Variants in MGAM observed in about 807,000 individuals in gnomAD.
MGAM encodes the protein alpha-1,4-glucosidase.
MGAM carries 253 observed loss-of-function variants against 358.8 expected under a neutral mutation model. The observed-to-expected ratio is 0.71, with a 90% CI of 0.64 to 0.78. The LOEUF is 0.78. Ranked by LOEUF, MGAM falls within the 30% of genes least tolerant of loss-of-function variation. MGAM has a pLI of 0.00. For synonymous variants in MGAM, 1,105 were observed against 1,227.1 expected (o/e 0.90, Z 2.08); for missense variants, 3,080 against 3,432.6 (o/e 0.90, Z 2.57).
chr7:142,037,038 A>C, intron 18 of MGAM, 61 bp downstream of exon 18: 6 of 1,508,852 alleles, frequency 4.0e-6, no homozygotes, highest in South Asian at 1.2e-5. Flanking sequence ...TGACTATATC[A>C]TCAAATATCA....
intron 66 of MGAM, among the ~76,000 whole-genome samples, chr7:142,098,367 C>A (rs145406421): frequency 0.032 from 4,807 of 152,106 alleles, 127 homozygotes; most frequent in Non-Finnish European, 0.046. Flanking sequence ...GGGGAAGAAT[C>A]AAAGAAGGCA....
chr7:142,084,444 A>T (rs773572262), intron 53 of MGAM, 75 bp from the exon 54 acceptor site: 2 of 1,450,666 alleles, frequency 1.4e-6, no homozygotes, highest in Admixed American at 1.8e-5. Flanking sequence ...ACAGAAAAAT[A>T]TTCTTATTAC....
intron 57 of MGAM, among the ~76,000 whole-genome samples, chr7:142,089,372 A>G (rs1815147310): frequency 6.8e-6 from 1 of 146,488 alleles, no homozygotes; most frequent in Admixed American, 6.8e-5. Flanking sequence ...CTCACCTCAA[A>G]CGCCAGTTAT....
At chr7:142,029,466 C>CT (rs1199610287) in intron 10 of MGAM, among the ~76,000 whole-genome samples, 1 of 152,090 alleles carries the variant, frequency 6.6e-6, no homozygotes, top group African/African-American at 2.4e-5. Context: ...GAGGTCATCT[C>CT]TTTTTTTATG....
rs773554487 is a variant in MGAM at position 142,052,439 on chromosome 7, T to A, written c.2951T>A (p.Ile984Asn). The change falls in exon 25 of 71, where the codon ATC becomes AAC. Residue 984 changes from isoleucine to asparagine, a missense_variant. Ile to Asn is a moderately radical substitution (Grantham distance 149, BLOSUM62 -3). Coordinates refer to ENST00000475668, the MANE Select transcript of MGAM (RefSeq NM_001365693.1). ...GAAAACTGCACTGCCCGTGGCTGTA[T>A]CTGGGAGGTAACCATGCTGATGGGG... ...SAENCTARGC[I>N]WEASNSSGVP... 1.2e-5 allele frequency: 20 copies of A among 1,613,352 alleles called. No homozygotes were observed. In the South Asian group the frequency reaches 2.2e-4, roughly 18 times the overall value.
rs1350314920 is a variant in MGAM at position 142,036,936 on chromosome 7, T to G, written c.2190T>G (p.Ala730=). The change falls in exon 18 of 71, where the codon GCT becomes GCG. Residue 730 remains alanine, a synonymous_variant. Transcript: ENST00000475668. ...LPYLYTLFFR[A]HSRGDTVARP... Reference sequence around the variant, plus strand: ...ACCTATACACCCTCTTCTTCCGTGCTCACAGCCGAGGGGACACGGTGGCCA... The same window carrying G: ...ACCTATACACCCTCTTCTTCCGTGCGCACAGCCGAGGGGACACGGTGGCCA... 1.2e-6 allele frequency: 2 copies of G among 1,613,742 alleles called. No individual in the cohort carries two copies. Among genetic ancestry groups the G allele is most frequent in the Non-Finnish European group, 1.7e-6 (2 of 1,179,686 alleles).
At chr7:142,032,570 T>C (rs58019639) in intron 13 of MGAM, among the ~76,000 whole-genome samples, 3,164 of 152,208 alleles carry the variant, frequency 0.021, 122 homozygotes, top group African/African-American at 0.07. Context: ...AATTGAAACT[T>C]TTTTCACCTG....
At chr7:141,992,903 AG>A (rs1554447632), upstream of MGAM, among the ~76,000 whole-genome samples, 144 of 152,220 alleles carry the variant, frequency 9.5e-4, no homozygotes, top group African/African-American at 3.4e-3. Context: ...GCACTCGGCC[AG>A]CCTCCATGCA....
At position 142,050,277 on chromosome 7, in the gene MGAM, T is replaced by C. The variant is rs1383104101; in HGVS notation, c.2630T>C (p.Val877Ala). Residue 877 changes from valine (V) to alanine (A), a missense_variant, in exon 23 of 71, where the codon GTC becomes GCC. Transcript: ENST00000475668. ...NKVYLLCEFS[V>A]TQNRLEVNIS... The stretch of plus-strand genomic sequence containing the variant: ...GTGTATCTTTTATGTGAGTTTTCTG[T>C]CACTCAAGTGAGTAGCATATTTTTA... 1.2e-6 allele frequency: 2 copies of C among 1,613,526 alleles called. No homozygotes were observed. Among genetic ancestry groups the C allele is most frequent in the Non-Finnish European group, 1.7e-6 (2 of 1,179,622 alleles).
chr7:142,059,986 T>C lies in MGAM; in HGVS notation c.4059+20T>C, dbSNP rs763478781. On this transcript the variant is annotated intron_variant, in intron 33 of 70. Transcript: ENST00000475668. ...GGAAAGGTATAATCCTAAGCGATGA[T>C]CCACTAGTCCCCAGCCTGAGGGTGG... 98 of 1,578,828 alleles carry C rather than the reference T, an allele frequency of 6.2e-5. No individual in the cohort carries two copies. The highest frequency in any genetic ancestry group is 8.4e-5 in the Non-Finnish European group (97 of 1,161,308).
intron 45 of MGAM, among the ~76,000 whole-genome samples, chr7:142,075,368 G>A (rs12334002): frequency 0.45 from 64,728 of 144,570 alleles, 18,464 homozygotes; most frequent in Middle Eastern, 0.62. Context: ...CCTCCTTGAC[G>A]TAGTCTTGGC....
Position 142,021,045 on chromosome 7 carries a change from A to G in MGAM, c.520A>G (p.Thr174Ala). The G allele has an allele frequency of 1.2e-6, 2 of 1,613,054 alleles. No individual in the cohort carries two copies. The highest frequency in any genetic ancestry group is 2.2e-5 in the South Asian group (2 of 90,994). ...FGSNVDNVLL[T>A]AEYQTSNRFH... is the part of the protein sequence containing the mutation. ...AAGCAATGTTGACAATGTTCTTCTC[A>G]CAGCAGAATATCAGACATCTAATCG... The change falls in exon 5 of 71, where the codon ACA (threonine) becomes GCA (alanine). Residue 174 changes from threonine to alanine, a missense_variant. Physicochemically the swap from Thr to Ala is moderately conservative, Grantham distance 58. Coordinates refer to ENST00000475668, the MANE Select transcript of MGAM (RefSeq NM_001365693.1).
Position 142,040,800 on chromosome 7 carries a change from G to C in MGAM, c.2452G>C (p.Gly818Arg), listed in dbSNP as rs373524046. Residue 818 changes from glycine to arginine, a missense_variant, in exon 21 of 71, where the codon GGC becomes CGC. Coordinates refer to ENST00000475668, the MANE Select transcript of MGAM (RefSeq NM_001365693.1). ...GDKIGLHLRGGYIFPTQQPNT... is the reference protein window; with the variant it reads ...GDKIGLHLRGRYIFPTQQPNT... ...CAAAATTGGACTTCACCTTCGAGGA[G>C]GCTACATCTTCCCCACACAGCAGCC... 2.5e-6 allele frequency: 4 copies of C among 1,612,998 alleles called. No homozygotes were observed. In the African/African-American group the frequency reaches 4.0e-5, roughly 16 times the overall value.
At chr7:141,995,321 A>G (rs57417523), upstream of MGAM, among the ~76,000 whole-genome samples, 1 of 152,002 alleles carries the variant, frequency 6.6e-6, no homozygotes, top group African/African-American at 2.4e-5. Context: ...GTCTTGTTAG[A>G]TTTCTCTTAT....
intron 44 of MGAM, among the ~76,000 whole-genome samples, chr7:142,071,614 A>G (rs1813358368): frequency 6.8e-6 from 1 of 146,196 alleles, no homozygotes; most frequent in African/African-American, 2.4e-5. Context: ...AAACCAGGTC[A>G]GTTGATGCCT....
At chr7:142,088,996 G>GTATGTATC (rs771119657) in intron 57 of MGAM, among the ~76,000 whole-genome samples, 3,431 of 117,904 alleles carry the variant, frequency 0.029, 171 homozygotes, top group African/African-American at 0.055. Flanking sequence ...ATGTATGTAT[G>GTATGTATC]TATCTATCTA....
intron 1 of MGAM, among the ~76,000 whole-genome samples, chr7:142,001,651 A>T (rs1011286544): frequency 8.5e-5 from 13 of 152,284 alleles, no homozygotes; most frequent in African/African-American, 2.6e-4. Flanking sequence ...CAGGCAATGC[A>T]TGAGTCATCC....
rs772302459 is a variant in MGAM at position 142,065,438 on chromosome 7, G to A, written c.4588G>A (p.Ala1530Thr). The change falls in exon 38 of 71, where the codon GCA becomes ACA. Residue 1530 changes from alanine (A) to threonine (T), a missense_variant. Ala to Thr is a moderately conservative substitution (Grantham distance 58). Coordinates refer to ENST00000475668, the MANE Select transcript of MGAM (RefSeq NM_001365693.1). ...AGHWLGDNTA[A>T]WDQLKKSIIG... ...ACATTGGCTGGGAGACAACACGGCCGCATGGGATCAGCTGAAGAAGTCTAT... is the reference window on the plus strand; with the variant it reads ...ACATTGGCTGGGAGACAACACGGCCACATGGGATCAGCTGAAGAAGTCTAT... The A allele has an allele frequency of 1.9e-5, 30 of 1,609,440 alleles. No individual in the cohort carries two copies. In the Middle Eastern group the frequency reaches 5.0e-4, roughly 27 times the overall value.
In MGAM at chr7:142,084,371, A is replaced by G. The variant is rs1814581081; in HGVS notation, c.6382-148A>G. ...GCAGAAAGCTTTCTCCAAGTATCCT[A>G]GTGGCTCTATATCCTGTCAGTTTTG... On this transcript the variant is annotated intron_variant, in intron 53 of 70. Transcript: ENST00000475668. 12 of 950,572 alleles carry G rather than the reference A, an allele frequency of 1.3e-5. 1 individual carries two copies. In the East Asian group the frequency reaches 2.9e-4, roughly 23 times the overall value. The allele number at this position is 950,572 out of a possible 1,614,324, so 58.9% of individuals were successfully genotyped here. A position where few individuals can be genotyped will look rare whatever the true frequency, so the allele number is the denominator to read the frequency against.
Sources: gnomAD v4.1 joint callset for allele counts (sites outside exome capture counted in the v4.1 genomes callset) on GRCh38, gnomAD v4.1.1 for gene constraint, MANE v1.5 for transcripts, NCBI Gene and HGNC (gene_info 2026-07-23, HGNC 2026-07-21) for gene names.